CPSF4: variants seen among roughly 807,000 people sequenced by gnomAD.
CPSF4 encodes cleavage and polyadenylation specificity factor subunit 4.
A neutral mutation model predicts 37.7 loss-of-function variants in CPSF4; 11 were observed. That is an observed-to-expected ratio of 0.29 (90% CI 0.18 to 0.48). The LOEUF (loss-of-function observed/expected upper bound fraction) is 0.48, where lower values mean the gene tolerates loss of function less well. Among genes scored for constraint, CPSF4 ranks in the 20% least tolerant of loss-of-function variants. The pLI is 0.99. For synonymous variants in CPSF4, 132 were observed against 135.9 expected (o/e 0.97, Z 0.20); for missense variants, 144 against 359.5 (o/e 0.40, Z 4.85).
chr7:99,444,208 G>A (rs979532531), intron 1 of CPSF4, among the ~76,000 whole-genome samples: 2 of 152,150 alleles, frequency 1.3e-5, no homozygotes, highest in African/African-American at 4.8e-5. Flanking sequence ...TGTAATCCCA[G>A]CACTTTGGGA....
At chr7:99,445,120 C>T (rs1797374810) in intron 2 of CPSF4, among the ~76,000 whole-genome samples, 1 of 152,232 alleles carries the variant, frequency 6.6e-6, no homozygotes, top group Admixed American at 6.5e-5. Context: ...AGCATTGAGA[C>T]ACTCAGGAAC....
At position 99,448,673 on chromosome 7, in the gene CPSF4, C is replaced by T. The variant is rs947195459; in HGVS notation, c.307+400C>T. On this transcript the variant is annotated intron_variant, in intron 3 of 7. Coordinates refer to ENST00000292476, the MANE Select transcript of CPSF4 (RefSeq NM_006693.4). The surrounding 1 kb of genome is among the most constrained non-coding windows in gnomAD (Gnocchi z 4.4). The stretch of plus-strand genomic sequence containing the variant: ...TCGGATTTGAGGCTAACGAGGGTGA[C>T]CCGGAAGCAGCGAGTTGTGCAGCTG... 6.2e-6 allele frequency: 1 copy of T among 160,520 alleles called. No homozygotes were observed. Among genetic ancestry groups the T allele is most frequent in the Admixed American group, 6.2e-5 (1 of 16,256 alleles). The allele number at this position is 160,520 out of a possible 1,614,324, so 9.9% of individuals were successfully genotyped here.
At chr7:99,442,848 A>G (rs1039134400) in intron 1 of CPSF4, 1 of 1,002,102 alleles carries the variant, frequency 1.0e-6, no homozygotes. Context: ...AGAAGTGGAA[A>G]ACACTGGAGA....
At position 99,455,167 on chromosome 7, in the gene CPSF4, T is replaced by G. The variant is rs569442593; in HGVS notation, c.741+1031T>G. On this transcript the variant is annotated intron_variant, in intron 7 of 7. Coordinates refer to ENST00000292476, the MANE Select transcript of CPSF4 (RefSeq NM_006693.4). ...GGCCACTTCTGTGCAGCAAGCGCCCTTAAGTCCTGGAGCCTTAGAAAGGTA... is the reference window on the plus strand; with the variant it reads ...GGCCACTTCTGTGCAGCAAGCGCCCGTAAGTCCTGGAGCCTTAGAAAGGTA... Among the ~76,000 whole-genome samples, 3 of 152,346 alleles carry G rather than the reference T, an allele frequency of 2.0e-5. No individual in the cohort carries two copies. In the East Asian group the frequency reaches 5.8e-4, roughly 29 times the overall value.
Position 99,448,404 on chromosome 7 carries a change from A to G in CPSF4, c.307+131A>G. On this transcript the variant is annotated intron_variant, in intron 3 of 7. Transcript: ENST00000292476. This position sits in a 1 kb window ranked among gnomAD's most constrained non-coding sequence, Gnocchi z 4.4. Reference sequence around the variant, plus strand: ...ATTCTCAGAGGAGAACTCTGGCAGAACCTGCCAGCCTCAGCCAGCTTTTAG... The same window carrying G: ...ATTCTCAGAGGAGAACTCTGGCAGAGCCTGCCAGCCTCAGCCAGCTTTTAG... The G allele has an allele frequency of 2.1e-6, 2 of 970,046 alleles. No homozygotes were observed. Among genetic ancestry groups the G allele is most frequent in the Non-Finnish European group, 2.9e-6 (2 of 685,014 alleles). The allele number at this position is 970,046 out of a possible 1,614,324, so 60.1% of individuals were successfully genotyped here.
In CPSF4 at chr7:99,448,410, C is replaced by T. The variant is rs1797690620; in HGVS notation, c.307+137C>T. ...AGAGGAGAACTCTGGCAGAACCTGC[C>T]AGCCTCAGCCAGCTTTTAGGGGACA... is the stretch of plus-strand genomic sequence containing the variant. On this transcript the variant is annotated intron_variant, in intron 3 of 7. Coordinates refer to ENST00000292476, the MANE Select transcript of CPSF4 (RefSeq NM_006693.4). This position sits in a 1 kb window ranked among gnomAD's most constrained non-coding sequence, Gnocchi z 4.4. 7.0e-6 allele frequency: 6 copies of T among 854,986 alleles called. No individual in the cohort carries two copies. In the Admixed American group the frequency reaches 1.9e-4, roughly 27 times the overall value. 53.0% of individuals were successfully genotyped at this position (854,986 alleles called of 1,614,324 possible). A position where few individuals can be genotyped will look rare whatever the true frequency, so the allele number is the denominator to read the frequency against.
chr7:99,446,885 G>C (rs889676336), intron 2 of CPSF4, among the ~76,000 whole-genome samples: 1 of 146,350 alleles, frequency 6.8e-6, no homozygotes, highest in African/African-American at 2.6e-5. Flanking sequence ...TGCCTCCTGG[G>C]TTCAAGCAAT....
At chr7:99,441,839 G>A (rs1002676181) in intron 1 of CPSF4, among the ~76,000 whole-genome samples, 3 of 152,046 alleles carry the variant, frequency 2.0e-5, no homozygotes, top group African/African-American at 7.2e-5. Flanking sequence ...TTACAGGCAC[G>A]TGCCACCATG....
In CPSF4 at chr7:99,456,781, G is replaced by C; in HGVS notation, c.*281G>C. On this transcript the variant is annotated 3_prime_UTR_variant, in exon 8 of 8. Transcript: ENST00000292476. ...TCCCGGCACAACTCCCCTCATCCAG[G>C]GAGGGAGGCAGCTGCTGGGGAGGGG... 5.9e-6 allele frequency: 3 copies of C among 512,650 alleles called. No individual in the cohort carries two copies. Among genetic ancestry groups the C allele is most frequent in the South Asian group, 5.8e-5 (3 of 52,076 alleles). The allele number at this position is 512,650 out of a possible 1,614,324, so 31.8% of individuals were successfully genotyped here.
intron 1 of CPSF4, chr7:99,441,286 C>T: frequency 4.9e-6 from 2 of 406,678 alleles, no homozygotes; most frequent in East Asian, 7.2e-5. Flanking sequence ...AGCTTGAGAC[C>T]ATGGAACCAC....
chr7:99,451,917 A>G (rs1584510624), intron 5 of CPSF4, among the ~76,000 whole-genome samples: 1 of 151,986 alleles, frequency 6.6e-6, no homozygotes, highest in Admixed American at 6.6e-5. Context: ...ACTGGGTCTC[A>G]CTCCCTGAAT....
chr7:99,448,027 G>A lies in CPSF4; in HGVS notation c.155-94G>A, dbSNP rs1797667385. 4 of 1,318,612 alleles carry A rather than the reference G, an allele frequency of 3.0e-6. No homozygotes were observed. The highest frequency in any genetic ancestry group is 2.6e-4 in the Middle Eastern group (1 of 3,860). 81.7% of individuals were successfully genotyped at this position (1,318,612 alleles called of 1,614,324 possible). On this transcript the variant is annotated intron_variant, in intron 2 of 7. Transcript: ENST00000292476. The surrounding 1 kb of genome is among the most constrained non-coding windows in gnomAD (Gnocchi z 4.4). ...GTGATGCCTTCAGGTGGCTCCAGGA[G>A]TTAGGAAGTGAAGGTACCTCAGCTT...
At chr7:99,446,403 G>A (rs1306928210) in intron 2 of CPSF4, among the ~76,000 whole-genome samples, 1 of 152,116 alleles carries the variant, frequency 6.6e-6, no homozygotes, top group East Asian at 1.9e-4. Context: ...GTCACATGGG[G>A]CTAGCAGCTG....
chr7:99,454,873 C>G (rs943806904), intron 7 of CPSF4, among the ~76,000 whole-genome samples: 10 of 152,122 alleles, frequency 6.6e-5, no homozygotes, highest in African/African-American at 2.2e-4. Flanking sequence ...AGCTGGAGTT[C>G]TGAAGAATGA....
intron 7 of CPSF4, among the ~76,000 whole-genome samples, chr7:99,455,773 T>C (rs45609447): frequency 2.5e-4 from 38 of 152,340 alleles, no homozygotes; most frequent in African/African-American, 8.9e-4. Flanking sequence ...GGATTTGTCA[T>C]GTGGCTCTGC....
At chr7:99,447,415 C>T (rs1797607935) in intron 2 of CPSF4, among the ~76,000 whole-genome samples, 1 of 151,012 alleles carries the variant, frequency 6.6e-6, no homozygotes, top group African/African-American at 2.4e-5. Flanking sequence ...ATTACAGGCA[C>T]CCACCCGCAA....
intron 7 of CPSF4, among the ~76,000 whole-genome samples, chr7:99,455,324 C>T (rs1798234021): frequency 1.3e-5 from 2 of 152,138 alleles, no homozygotes; most frequent in African/African-American, 4.8e-5. Flanking sequence ...GTGTGTGGTC[C>T]CTCCCCCAGC....
At chr7:99,444,960 T>C in intron 2 of CPSF4, 121 bp downstream of exon 2, 1 of 875,110 alleles carries the variant, frequency 1.1e-6, no homozygotes, top group Non-Finnish European at 1.8e-6. Context: ...TAACGATCTC[T>C]GTAGATAAAA....
chr7:99,440,947 CTTT>C (rs555082595), intron 1 of CPSF4, among the ~76,000 whole-genome samples: 3 of 120,270 alleles, frequency 2.5e-5, no homozygotes, highest in Non-Finnish European at 3.4e-5. Context: ...CTTTTCCTGT[CTTT>C]TTTTTTTTTT....
Sources: allele counts gnomAD v4.1 joint callset (sites outside exome capture counted in the v4.1 genomes callset), GRCh38; gene constraint gnomAD v4.1.1; non-coding constraint Gnocchi (gnomAD v3.1); transcripts MANE v1.5; gene names NCBI Gene and HGNC (gene_info 2026-07-23, HGNC 2026-07-21).